PRR29: variants seen among roughly 807,000 people sequenced by gnomAD.
PRR29 encodes proline rich 29.
In PRR29, 20 loss-of-function variants were observed where a neutral mutation model predicts 25.1. That is an observed-to-expected ratio of 0.80 (90% CI 0.56 to 1.16). The LOEUF is 1.16. Ranked by LOEUF, PRR29 falls within the 50% of genes most tolerant of loss-of-function variation. PRR29 has a pLI of 0.00. For missense variants in PRR29, 238 were observed against 246.6 expected (o/e 0.97, Z 0.23); for synonymous variants, 108 against 102.6 (o/e 1.05, Z -0.32).
At chr17:63,998,898 C>A in intron 2 of PRR29, 70 bp from the exon 3 acceptor site, 2 of 1,462,598 alleles carry the variant, frequency 1.4e-6, no homozygotes, top group Admixed American at 2.0e-5. Flanking sequence ...TTCTTCACCC[C>A]CGGGACAGGG....
In PRR29 at chr17:64,003,161, G is replaced by A; in HGVS notation, c.*1400G>A. On this transcript the variant is annotated 3_prime_UTR_variant, in exon 6 of 6. Coordinates refer to ENST00000412177, the MANE Select transcript of PRR29 (RefSeq NM_001164257.2). ...CAGCTGGACTTCTGTGTGGCTGTGAGGGCAGATGTCCCCTTGTCAGCAGCC... is the reference window on the plus strand; with the variant it reads ...CAGCTGGACTTCTGTGTGGCTGTGAAGGCAGATGTCCCCTTGTCAGCAGCC... 1 of 535,336 alleles carries A rather than the reference G, an allele frequency of 1.9e-6. No homozygotes were observed. Among genetic ancestry groups the A allele is most frequent in the Non-Finnish European group, 3.4e-6 (1 of 298,066 alleles). The allele number at this position is 535,336 out of a possible 1,614,324, so 33.2% of individuals were successfully genotyped here.
rs769143261 is a variant in PRR29 at position 64,003,605 on chromosome 17, A to C, written c.*1844A>C. 1 of 1,571,576 alleles carries C rather than the reference A, an allele frequency of 6.4e-7. No individual in the cohort carries two copies. Among genetic ancestry groups the C allele is most frequent in the East Asian group, 2.2e-5 (1 of 44,472 alleles). On this transcript the variant is annotated 3_prime_UTR_variant, in exon 6 of 6. Transcript: ENST00000412177. The stretch of plus-strand genomic sequence containing the variant: ...TTCTTCCCCCGAGGGGCTGAAAGTG[A>C]CTTATCACTCCCAACTCCATCCACG...
intron 3 of PRR29, chr17:64,000,799 C>A: frequency 2.6e-6 from 1 of 388,002 alleles, no homozygotes; most frequent in Admixed American, 3.7e-5. Flanking sequence ...ACTACAGGCG[C>A]CCACCACCAT....
At chr17:64,000,070 CA>C (rs1196842596) in intron 3 of PRR29, among the ~76,000 whole-genome samples, 1 of 152,138 alleles carries the variant, frequency 6.6e-6, no homozygotes, top group African/African-American at 2.4e-5. Context: ...GGAATCCAGA[CA>C]GAAGGAGACC....
intron 3 of PRR29, among the ~76,000 whole-genome samples, chr17:64,000,475 G>T (rs916294142): frequency 6.6e-6 from 1 of 151,854 alleles, no homozygotes; most frequent in Non-Finnish European, 1.5e-5. Context: ...GACCACAGGC[G>T]CCTGCCACCA....
At chr17:64,001,386 C>T (rs780461889) in intron 4 of PRR29, 76 bp downstream of exon 4, 49 of 1,487,534 alleles carry the variant, frequency 3.3e-5, no homozygotes, top group South Asian at 2.3e-4. Context: ...GGCTGGTGGT[C>T]GGTGGAGATA....
At position 63,998,398 on chromosome 17, in the gene PRR29, T is replaced by G. The variant is rs1368052569; in HGVS notation, c.34T>G (p.Ser12Ala). The G allele has an allele frequency of 7.9e-6, 12 of 1,515,206 alleles. No individual in the cohort carries two copies. Among genetic ancestry groups the G allele is most frequent in the Non-Finnish European group, 1.1e-5 (12 of 1,136,970 alleles). 93.9% of individuals were successfully genotyped at this position (1,515,206 alleles called of 1,614,324 possible). A position where few individuals can be genotyped will look rare whatever the true frequency, so the allele number is the denominator to read the frequency against. Residue 12 changes from serine to alanine, a missense_variant, in exon 1 of 6, where the codon TCC (serine) becomes GCC (alanine). By Grantham distance (99) the Ser-to-Ala change is moderately conservative. Coordinates refer to ENST00000412177, the MANE Select transcript of PRR29 (RefSeq NM_001164257.2). Reference protein sequence around the residue: ...ASGAGGSWGRSPPQSAVPTPW... With the variant: ...ASGAGGSWGRAPPQSAVPTPW... ...TGGGGCGGGCGGAAGCTGGGGTCGC[T>G]CCCCACCGCAGAGCGCAGTCCCGAC...
At position 64,002,564 on chromosome 17, in the gene PRR29, A is replaced by G. The variant is rs1910848178; in HGVS notation, c.*803A>G. On this transcript the variant is annotated 3_prime_UTR_variant, in exon 6 of 6. Transcript: ENST00000412177. ...GTGGCTCCCCTCCCTGGCCATTGTT[A>G]TCCCAGGAGGAGACACTGTGGGCAC... 1 of 605,030 alleles carries G rather than the reference A, an allele frequency of 1.7e-6. No homozygotes were observed. The highest frequency in any genetic ancestry group is 2.8e-6 in the Non-Finnish European group (1 of 351,686). The allele number at this position is 605,030 out of a possible 1,614,324, so 37.5% of individuals were successfully genotyped here.
chr17:64,002,149 A>C lies in PRR29; in HGVS notation c.*388A>C. The C allele has an allele frequency of 1.3e-6, 1 of 798,580 alleles. No individual in the cohort carries two copies. The highest frequency in any genetic ancestry group is 2.7e-5 in the East Asian group (1 of 37,284). The allele number at this position is 798,580 out of a possible 1,614,324, so 49.5% of individuals were successfully genotyped here. The stretch of plus-strand genomic sequence containing the variant: ...CAGCCTAGTAATGGAGCAAGAGGGG[A>C]GGGGGGGATTCCTTCTGCTTTCCAC... On this transcript the variant is annotated 3_prime_UTR_variant, in exon 6 of 6. Coordinates refer to ENST00000412177, the MANE Select transcript of PRR29 (RefSeq NM_001164257.2).
Position 64,003,618 on chromosome 17 carries a change from A to T in PRR29, c.*1857A>T. 1.9e-6 allele frequency: 3 copies of T among 1,596,606 alleles called. No homozygotes were observed. The highest frequency in any genetic ancestry group is 2.6e-6 in the Non-Finnish European group (3 of 1,169,614). On this transcript the variant is annotated 3_prime_UTR_variant, in exon 6 of 6. Coordinates refer to ENST00000412177, the MANE Select transcript of PRR29 (RefSeq NM_001164257.2). Reference sequence around the variant, plus strand: ...GGGCTGAAAGTGACTTATCACTCCCAACTCCATCCACGGATCCCCCCTCAC... The same window carrying T: ...GGGCTGAAAGTGACTTATCACTCCCTACTCCATCCACGGATCCCCCCTCAC...
At chr17:63,998,667 T>TC (rs1294887592) in intron 1 of PRR29, 40 bp from the exon 2 acceptor site, 2 of 1,162,786 alleles carry the variant, frequency 1.7e-6, no homozygotes, top group Admixed American at 2.0e-5. Context: ...CCCCATCCAT[T>TC]CCCCCCACCC....
intron 3 of PRR29, chr17:63,999,706 AGTGTGT>A (rs545165133): frequency 1.2e-5 from 2 of 162,344 alleles, no homozygotes; most frequent in Non-Finnish European, 2.7e-5. Flanking sequence ...TGTGTGCAAG[AGTGTGT>A]GTGTGTATGT....
In PRR29 at chr17:64,002,561, G is replaced by A. The variant is rs1910847768; in HGVS notation, c.*800G>A. 3 of 605,216 alleles carry A rather than the reference G, an allele frequency of 5.0e-6. No homozygotes were observed. The highest frequency in any genetic ancestry group is 8.6e-6 in the Non-Finnish European group (3 of 350,860). The allele number at this position is 605,216 out of a possible 1,614,324, so 37.5% of individuals were successfully genotyped here. ...ATGGTGGCTCCCCTCCCTGGCCATT[G>A]TTATCCCAGGAGGAGACACTGTGGG... On this transcript the variant is annotated 3_prime_UTR_variant, in exon 6 of 6. Coordinates refer to ENST00000412177, the MANE Select transcript of PRR29 (RefSeq NM_001164257.2).
Position 64,003,573 on chromosome 17 carries a change from A to C in PRR29, c.*1812A>C. The C allele has an allele frequency of 7.0e-7, 1 of 1,434,326 alleles. No individual in the cohort carries two copies. The highest frequency in any genetic ancestry group is 9.6e-7 in the Non-Finnish European group (1 of 1,041,424). 88.8% of individuals were successfully genotyped at this position (1,434,326 alleles called of 1,614,324 possible). A position where few individuals can be genotyped will look rare whatever the true frequency, so the allele number is the denominator to read the frequency against. ...GGTGTTTGCTTCCCAAGTGGGACTC[A>C]AGATTTTTCTTCCCCCGAGGGGCTG... On this transcript the variant is annotated 3_prime_UTR_variant, in exon 6 of 6. Transcript: ENST00000412177.
rs1910372363 is a variant in PRR29 at position 63,999,070 on chromosome 17, C to G, written c.239C>G (p.Pro80Arg). The G allele has an allele frequency of 2.0e-6, 3 of 1,535,148 alleles. No individual in the cohort carries two copies. The highest frequency in any genetic ancestry group is 2.6e-6 in the Non-Finnish European group (3 of 1,146,232). Residue 80 changes from proline (P) to arginine (R), a missense_variant, in exon 3 of 6, where the codon CCT becomes CGT. By Grantham distance (103) the Pro-to-Arg change is moderately radical. Transcript: ENST00000412177. ...ALQPRPASPC[P>R]QVYLEVPQEE... Reference sequence around the variant, plus strand: ...CAGCCCCGGCCTGCCTCGCCCTGCCCTCAGGTGCGTGTGGGTGGGCCGCCG... The same window carrying G: ...CAGCCCCGGCCTGCCTCGCCCTGCCGTCAGGTGCGTGTGGGTGGGCCGCCG...
rs1267852434 is a variant in PRR29 at position 63,998,974 on chromosome 17, T to G, written c.143T>G (p.Leu48Arg). The G allele has an allele frequency of 6.5e-7, 1 of 1,536,306 alleles. No homozygotes were observed. Among genetic ancestry groups the G allele is most frequent in the Admixed American group, 2.0e-5 (1 of 50,996 alleles). ...PQPGRVKEDL[L>R]ELMMLQNAQM... ...GCTGAACCCCGCTTCCTAGACCTGC[T>G]GGAACTGATGATGCTGCAGAACGCG... The change falls in exon 3 of 6, where the codon CTG becomes CGG. Residue 48 changes from leucine (L) to arginine (R), a missense_variant. Leu to Arg is a moderately radical substitution (Grantham distance 102). Coordinates refer to ENST00000412177, the MANE Select transcript of PRR29 (RefSeq NM_001164257.2).
chr17:63,998,971 T>A lies in PRR29; in HGVS notation c.140T>A (p.Leu47Gln). Residue 47 changes from leucine to glutamine, a missense_variant, in exon 3 of 6, where the codon CTG becomes CAG. By Grantham distance (113) the Leu-to-Gln change is moderately radical. Coordinates refer to ENST00000412177, the MANE Select transcript of PRR29 (RefSeq NM_001164257.2). ...CTTGCTGAACCCCGCTTCCTAGACC[T>A]GCTGGAACTGATGATGCTGCAGAAC... ...PPQPGRVKED[L>Q]LELMMLQNAQ... is the part of the protein sequence containing the mutation. 1 of 1,536,318 alleles carries A rather than the reference T, an allele frequency of 6.5e-7. No individual in the cohort carries two copies. The highest frequency in any genetic ancestry group is 8.7e-7 in the Non-Finnish European group (1 of 1,146,790).
chr17:64,002,918 C>T lies in PRR29; in HGVS notation c.*1157C>T, dbSNP rs1395789102. 1.2e-6 allele frequency: 2 copies of T among 1,612,920 alleles called. No homozygotes were observed. The highest frequency in any genetic ancestry group is 1.7e-5 in the Admixed American group (1 of 59,946). ...CTATGATGACCATCTGGCTGTCCGA[C>T]ACAGGCTCTGGGGAGGGAGGGGGCA... On this transcript the variant is annotated 3_prime_UTR_variant, in exon 6 of 6. Transcript: ENST00000412177.
rs1186037398 is a variant in PRR29 at position 64,001,752 on chromosome 17, C to A, written c.561C>A (p.Ser187Arg). 2.0e-6 allele frequency: 3 copies of A among 1,536,982 alleles called. No homozygotes were observed. In the African/African-American group the frequency reaches 4.1e-5, roughly 21 times the overall value. ...CCCCAGACTACTATGATGCCGAGAG[C>A]CTCCTATGAGGACAGACCCCGGCCC... ...PPASDYYDAESLL is the reference protein window; with the variant it reads ...PPASDYYDAERLL The change falls in exon 6 of 6, where the codon AGC becomes AGA. Residue 187 changes from serine (S) to arginine (R), a missense_variant. Ser to Arg is a moderately radical substitution (Grantham distance 110). Coordinates refer to ENST00000412177, the MANE Select transcript of PRR29 (RefSeq NM_001164257.2).
Sources: allele counts gnomAD v4.1 joint callset (sites outside exome capture counted in the v4.1 genomes callset), GRCh38; gene constraint gnomAD v4.1.1; transcripts MANE v1.5; gene names NCBI Gene and HGNC (gene_info 2026-07-23, HGNC 2026-07-21).